Variants in MAP4 observed in about 807,000 individuals in gnomAD.
The protein encoded by MAP4 is microtubule-associated protein 4.
Under a neutral mutation model 170.2 loss-of-function variants are expected in MAP4, and 76 were observed. The observed-to-expected ratio is 0.45, with a 90% confidence interval of 0.37 to 0.54. The LOEUF (loss-of-function observed/expected upper bound fraction) is 0.54. Among genes scored for constraint, MAP4 ranks in the 20% least tolerant of loss-of-function variants. The probability of loss-of-function intolerance (pLI) is 0.00; values close to 1 mark genes in which losing one functional copy is unlikely to be tolerated. For missense variants in MAP4, 2,506 were observed against 2,748.0 expected (o/e 0.91, Z 1.97); for synonymous variants, 909 against 994.5 (o/e 0.91, Z 1.62).
intron 2 of MAP4, among the ~76,000 whole-genome samples, chr3:47,988,368 T>C (rs2100090189): frequency 6.6e-6 from 1 of 151,872 alleles, no homozygotes. Context: ...GTGACAGCAG[T>C]GGCCTGAGTG....
chr3:47,988,606 T>G (rs1197406022), intron 2 of MAP4, among the ~76,000 whole-genome samples: 1 of 152,160 alleles, frequency 6.6e-6, no homozygotes, highest in Non-Finnish European at 1.5e-5. Context: ...TACAAACTCA[T>G]GTGAATTAGT....
intron 3 of MAP4, among the ~76,000 whole-genome samples, chr3:47,944,822 T>C (rs1051861137): frequency 1.3e-5 from 2 of 151,872 alleles, no homozygotes; most frequent in African/African-American, 4.8e-5. Flanking sequence ...AGATTCTAAT[T>C]CTAACGAGCT....
At chr3:47,889,609 C>T (rs1280037878) in intron 10 of MAP4, among the ~76,000 whole-genome samples, 1 of 152,198 alleles carries the variant, frequency 6.6e-6, no homozygotes, top group Non-Finnish European at 1.5e-5. Context: ...ATTTGTCAGT[C>T]ATCTGAAATT....
At chr3:48,033,209 T>C (rs1380520014) in intron 1 of MAP4, among the ~76,000 whole-genome samples, 1 of 152,224 alleles carries the variant, frequency 6.6e-6, no homozygotes, top group Non-Finnish European at 1.5e-5. Flanking sequence ...ATCATTCTGA[T>C]CATCATTTCC....
At chr3:47,872,350 A>AT (rs2152258724) in intron 12 of MAP4, among the ~76,000 whole-genome samples, 1 of 152,014 alleles carries the variant, frequency 6.6e-6, no homozygotes, top group Non-Finnish European at 1.5e-5. Flanking sequence ...CGCCCAGCTA[A>AT]TTTTTTGTAT....
intron 10 of MAP4, among the ~76,000 whole-genome samples, chr3:47,885,233 A>G (rs900102220): frequency 1.3e-5 from 2 of 152,172 alleles, no homozygotes; most frequent in Non-Finnish European, 2.9e-5. Context: ...GTAGGAGACA[A>G]AAAGAAAACC....
chr3:47,919,398 C>T (rs1273805786), intron 5 of MAP4, among the ~76,000 whole-genome samples: 2 of 152,122 alleles, frequency 1.3e-5, no homozygotes, highest in African/African-American at 4.8e-5. Flanking sequence ...ATCTCTGCCT[C>T]CCAGGTTCAC....
intron 4 of MAP4, among the ~76,000 whole-genome samples, chr3:47,927,282 T>C (rs1036311445): frequency 5.3e-5 from 8 of 152,156 alleles, no homozygotes; most frequent in African/African-American, 1.9e-4. Context: ...ACTAGGTTAT[T>C]TGAAACAAAC....
At chr3:47,982,000 G>A (rs1036221953) in intron 2 of MAP4, among the ~76,000 whole-genome samples, 4 of 151,894 alleles carry the variant, frequency 2.6e-5, no homozygotes, top group Non-Finnish European at 5.9e-5. Flanking sequence ...TACAACCTAT[G>A]TTGGCCGGGC....
At chr3:47,982,760 T>C (rs1303341772) in intron 2 of MAP4, among the ~76,000 whole-genome samples, 1 of 152,130 alleles carries the variant, frequency 6.6e-6, no homozygotes, top group Non-Finnish European at 1.5e-5. Context: ...TACGATTTGA[T>C]TCCATTTGTA....
At chr3:47,865,439 G>T (rs1157443142) in intron 17 of MAP4, among the ~76,000 whole-genome samples, 1 of 152,148 alleles carries the variant, frequency 6.6e-6, no homozygotes, top group Non-Finnish European at 1.5e-5. Context: ...AATTCCACCC[G>T]AGTGTAAAGG....
rs866422737 is a variant in MAP4, at chr3:47,855,305, C to T, written c.6639G>A (p.Gln2213=). The change falls in exon 19 of 21, where the codon CAG becomes CAA. Residue 2213 remains glutamine, a synonymous_variant. Transcript: ENST00000683076. This position sits in a 1 kb window ranked among gnomAD's most constrained non-coding sequence, Gnocchi z 5.1. The stretch of plus-strand genomic sequence containing the variant: ...CATTATCGAGGGATCCCACCTTGGC[C>T]TGGGCCTTCTCCTTGAAGTTCAACT... ...SQKLNFKEKA[Q]AKVGSLDNVG... 1.2e-6 allele frequency: 2 copies of T among 1,614,120 alleles called. No individual in the cohort carries two copies. Among genetic ancestry groups the T allele is most frequent in the African/African-American group, 1.3e-5 (1 of 75,038 alleles).
At position 47,912,068 on chromosome 3, in the gene MAP4, C is replaced by A. The variant is rs2100036227; in HGVS notation, c.2353G>T (p.Ala785Ser). Residue 785 changes from alanine (A) to serine (S), a missense_variant, in exon 9 of 21, where the codon GCT (alanine) becomes TCT (serine). By Grantham distance (99) the Ala-to-Ser change is moderately conservative. Transcript: ENST00000683076. ...PKQKRYSQPR[A>S]GGPSDDDNAD... The stretch of plus-strand genomic sequence containing the variant: ...TTGTCATCATCCGAAGGTCCTCCAG[C>A]CCGTGGTTGAGAATATCTCTTTTGC... 5 of 1,536,008 alleles carry A rather than the reference C, an allele frequency of 3.3e-6. No individual in the cohort carries two copies. The highest frequency in any genetic ancestry group is 2.0e-5 in the Admixed American group (1 of 50,976).
chr3:47,976,037 G>A (rs1009460778), intron 3 of MAP4, among the ~76,000 whole-genome samples: 2 of 152,102 alleles, frequency 1.3e-5, no homozygotes, highest in African/African-American at 4.8e-5. Context: ...TGATCCGCCC[G>A]CCTCGGTCTC....
chr3:47,948,362 T>G (rs1173523600), intron 3 of MAP4, among the ~76,000 whole-genome samples: 1 of 149,940 alleles, frequency 6.7e-6, no homozygotes, highest in Non-Finnish European at 1.5e-5. Context: ...ACATATGGAG[T>G]AGCTGGGACT....
chr3:47,890,251 A>G lies in MAP4; in HGVS notation c.5434+12699T>C, dbSNP rs1362484416. Among the ~76,000 whole-genome samples the G allele has an allele frequency of 4.6e-5, 7 of 152,284 alleles. No homozygotes were observed. In the East Asian group the frequency reaches 1.2e-3, roughly 25 times the overall value. On this transcript the variant is annotated intron_variant, in intron 10 of 20. Transcript: ENST00000683076. ...GAGATGGGGAAGAAAAGAAAGGGCC[A>G]GGAAGAAAGACACAAAAGGCTGTCA...
intron 1 of MAP4, among the ~76,000 whole-genome samples, chr3:48,053,035 A>G (rs1411892015): frequency 1.3e-5 from 2 of 152,210 alleles, no homozygotes; most frequent in Non-Finnish European, 2.9e-5. Context: ...AAACAACTCC[A>G]AATATTATAT....
intron 1 of MAP4, among the ~76,000 whole-genome samples, chr3:48,071,045 G>C (rs1328010050): frequency 6.6e-6 from 1 of 151,682 alleles, no homozygotes; most frequent in Non-Finnish European, 1.5e-5. Context: ...ATAAAATGAA[G>C]TAAAAAGGAA....
At chr3:47,948,204 G>A (rs1288179434) in intron 3 of MAP4, among the ~76,000 whole-genome samples, 2 of 150,490 alleles carry the variant, frequency 1.3e-5, no homozygotes, top group Non-Finnish European at 3.0e-5. Flanking sequence ...TCGCCATGTT[G>A]GGAAGGCTGG....
Sources: gnomAD v4.1 joint callset for allele counts (sites outside exome capture counted in the v4.1 genomes callset) on GRCh38, gnomAD v4.1.1 for gene constraint, Gnocchi (gnomAD v3.1) non-coding constraint, MANE v1.5 for transcripts, NCBI Gene and HGNC (gene_info 2026-07-23, HGNC 2026-07-21) for gene names.